Variants in PDE8A observed in about 807,000 individuals in gnomAD.
PDE8A encodes the protein phosphodiesterase 8A.
A neutral mutation model predicts 105.0 loss-of-function variants in PDE8A; 59 were observed. The ratio of observed to expected loss-of-function variants is 0.56; its 90% CI spans 0.46 to 0.70. PDE8A has a LOEUF of 0.70. Among genes scored for constraint, PDE8A ranks in the 30% least tolerant of loss-of-function variants. The pLI, the probability that PDE8A is intolerant of heterozygous loss-of-function variation, is 0.00. For missense variants in PDE8A, 1,014 were observed against 1,045.9 expected (o/e 0.97, Z 0.42); for synonymous variants, 355 against 371.9 (o/e 0.95, Z 0.52).
intron 1 of PDE8A, among the ~76,000 whole-genome samples, chr15:85,044,323 T>G (rs1189092241): frequency 1.3e-5 from 2 of 151,650 alleles, no homozygotes; most frequent in Non-Finnish European, 2.9e-5. Flanking sequence ...ATTTACTGTT[T>G]AAATCGACTG....
Position 85,091,128 on chromosome 15 carries a change from G to GA in PDE8A, c.806dup (p.Ala270GlyfsTer2). ...GGAGTTAGGAGAAGTGCCTATAAAT[G>GA]AAAAAAAGGCTGACTTGCTCGATAC... On this transcript the variant is annotated frameshift_variant, in exon 8 of 22. Transcript: ENST00000394553. LOFTEE classifies it high-confidence loss of function. The GA allele has an allele frequency of 6.2e-7, 1 of 1,612,126 alleles. No individual in the cohort carries two copies. Among genetic ancestry groups the GA allele is most frequent in the East Asian group, 2.2e-5 (1 of 44,822 alleles).
At chr15:85,012,053 T>C (rs1226783309) in intron 1 of PDE8A, among the ~76,000 whole-genome samples, 1 of 152,156 alleles carries the variant, frequency 6.6e-6, no homozygotes, top group Non-Finnish European at 1.5e-5. Context: ...AAACAGCAGG[T>C]GCTGGAGAGG....
chr15:85,071,202 T>C (rs2081305706), intron 3 of PDE8A, among the ~76,000 whole-genome samples: 2 of 152,148 alleles, frequency 1.3e-5, no homozygotes, highest in South Asian at 4.1e-4. Context: ...GAAATACCAG[T>C]GGCCATAAAG....
intron 18 of PDE8A, among the ~76,000 whole-genome samples, chr15:85,121,887 C>A (rs1053624163): frequency 2.6e-5 from 4 of 152,130 alleles, no homozygotes; most frequent in African/African-American, 9.7e-5. Context: ...AATATGTGAT[C>A]TTTTGTAACT....
At chr15:84,982,697 C>T (rs1796272661) in intron 1 of PDE8A, among the ~76,000 whole-genome samples, 1 of 152,168 alleles carries the variant, frequency 6.6e-6, no homozygotes, top group African/African-American at 2.4e-5. Flanking sequence ...TTGAGGGAAA[C>T]CCCCAGGATA....
intron 1 of PDE8A, among the ~76,000 whole-genome samples, chr15:84,997,692 A>G (rs543363318): frequency 1.3e-4 from 20 of 151,990 alleles, no homozygotes; most frequent in Non-Finnish European, 2.2e-4. Context: ...TCCCAGGTTC[A>G]AGCAATTCTC....
intron 1 of PDE8A, among the ~76,000 whole-genome samples, chr15:85,020,221 A>G (rs1322274259): frequency 6.6e-6 from 1 of 152,136 alleles, no homozygotes; most frequent in Non-Finnish European, 1.5e-5. Context: ...CTGTCTGCCA[A>G]AGAAGGAGAG....
chr15:85,062,859 G>A (rs560886837), intron 1 of PDE8A: 10 of 152,326 alleles, frequency 6.6e-5, no homozygotes, highest in African/African-American at 2.2e-4. Context: ...GATTCCTGGT[G>A]CTTCTTACTC....
chr15:85,113,270 T>C, intron 12 of PDE8A, 107 bp from the exon 13 acceptor site: 1 of 915,892 alleles, frequency 1.1e-6, no homozygotes, highest in Non-Finnish European at 1.8e-6. Context: ...GCAAACTCAG[T>C]TCTATCCTGC....
intron 1 of PDE8A, among the ~76,000 whole-genome samples, chr15:85,027,071 A>AG (rs1306127024): frequency 6.6e-6 from 1 of 152,178 alleles, no homozygotes; most frequent in East Asian, 1.9e-4. Context: ...TGAGAACCTA[A>AG]GGAATTGATT....
intron 5 of PDE8A, among the ~76,000 whole-genome samples, chr15:85,082,055 A>G (rs16974804): frequency 0.089 from 13,461 of 152,100 alleles, 1,649 homozygotes; most frequent in African/African-American, 0.28. Flanking sequence ...CTGGAGTGGC[A>G]CAAGCACTAT....
At chr15:85,137,280 G>C (rs904157859) in intron 21 of PDE8A, among the ~76,000 whole-genome samples, 1 of 152,196 alleles carries the variant, frequency 6.6e-6, no homozygotes, top group Non-Finnish European at 1.5e-5. Context: ...AGTGGAGCTA[G>C]ATAGCTGCAG....
At chr15:85,133,347 A>C (rs541644707) in intron 20 of PDE8A, among the ~76,000 whole-genome samples, 2 of 152,312 alleles carry the variant, frequency 1.3e-5, no homozygotes, top group South Asian at 4.2e-4. Flanking sequence ...TAAGTGAAAC[A>C]GAGACCAATC....
intron 1 of PDE8A, among the ~76,000 whole-genome samples, chr15:85,044,419 A>G (rs923229746): frequency 6.6e-6 from 1 of 152,218 alleles, no homozygotes; most frequent in African/African-American, 2.4e-5. Flanking sequence ...AACCAGGGAA[A>G]GCAGCTGAGA....
intron 1 of PDE8A, among the ~76,000 whole-genome samples, chr15:85,017,910 G>A (rs1358627738): frequency 1.3e-5 from 1 of 75,506 alleles, no homozygotes; most frequent in East Asian, 3.8e-4. Context: ...GCAATAGTGG[G>A]AGGAAATTAT....
intron 6 of PDE8A, among the ~76,000 whole-genome samples, chr15:85,085,276 TATAAAG>T (rs1190278938): frequency 6.6e-6 from 1 of 152,064 alleles, no homozygotes; most frequent in African/African-American, 2.4e-5. Flanking sequence ...GATATAAAAA[TATAAAG>T]GGAAAGGAAA....
chr15:85,051,707 C>T (rs1596473560), intron 1 of PDE8A, among the ~76,000 whole-genome samples: 2 of 152,236 alleles, frequency 1.3e-5, no homozygotes, highest in African/African-American at 4.8e-5. Context: ...TTAGAGAACA[C>T]ACAGTGTTTG....
At chr15:85,069,917 C>T (rs993859470) in intron 3 of PDE8A, among the ~76,000 whole-genome samples, 2 of 152,146 alleles carry the variant, frequency 1.3e-5, no homozygotes, top group East Asian at 3.8e-4. Flanking sequence ...CAAGAGCAGA[C>T]CCTGATTTAT....
Position 85,051,493 on chromosome 15 carries a change from G to A in PDE8A, c.187-12877G>A, listed in dbSNP as rs112232494. Reference sequence around the variant, plus strand: ...TTTTTTTCTTCAATTTTTAAGTCCCGGGGTACTTAGGGATGTGCAGGTTTG... The same window carrying A: ...TTTTTTTCTTCAATTTTTAAGTCCCAGGGTACTTAGGGATGTGCAGGTTTG... On this transcript the variant is annotated intron_variant, in intron 1 of 21. Coordinates refer to ENST00000394553, the MANE Select transcript of PDE8A (RefSeq NM_002605.3). Among the ~76,000 whole-genome samples, 363 of 151,954 alleles carry A rather than the reference G, an allele frequency of 2.4e-3. 1 individual carries two copies. Among genetic ancestry groups the A allele is most frequent in the African/African-American group, 3.8e-3 (158 of 41,444 alleles).
Sources: allele counts gnomAD v4.1 joint callset (sites outside exome capture counted in the v4.1 genomes callset), GRCh38; gene constraint gnomAD v4.1.1; transcripts MANE v1.5; gene names NCBI Gene and HGNC (gene_info 2026-07-23, HGNC 2026-07-21).